Variants in HNF4G observed in about 807,000 individuals in gnomAD.
The protein encoded by HNF4G is hepatocyte nuclear factor 4 gamma.
In HNF4G, 21 loss-of-function variants were observed where a neutral mutation model predicts 50.9. The observed-to-expected ratio is 0.41, with a 90% CI of 0.29 to 0.59. HNF4G has a LOEUF of 0.59. Ranked by LOEUF, HNF4G falls within the 20% of genes least tolerant of loss-of-function variation. HNF4G has a pLI of 0.26. For synonymous variants in HNF4G, 198 were observed against 185.6 expected, an observed-to-expected ratio of 1.07 and a Z score of -0.54; for missense variants, 527 against 559.4, an observed-to-expected ratio of 0.94 and a Z score of 0.58.
At chr8:75,515,770 GTT>G (rs927879400) in intron 2 of HNF4G, among the ~76,000 whole-genome samples, 2 of 145,202 alleles carry the variant, frequency 1.4e-5, no homozygotes, top group African/African-American at 2.5e-5. Flanking sequence ...GGGCCACCAT[GTT>G]TTTTTTTTTT....
At chr8:75,480,440 A>G (rs544375492) in intron 1 of HNF4G, among the ~76,000 whole-genome samples, 39 of 152,348 alleles carry the variant, frequency 2.6e-4, no homozygotes, top group African/African-American at 7.5e-4. Flanking sequence ...AATAATTTTT[A>G]TCAGTGAAAC....
intron 1 of HNF4G, among the ~76,000 whole-genome samples, chr8:75,448,995 C>G (rs1475027899): frequency 6.6e-6 from 1 of 152,040 alleles, no homozygotes; most frequent in Non-Finnish European, 1.5e-5. Flanking sequence ...CATAATTTCA[C>G]AAAAACTGAG....
intron 2 of HNF4G, among the ~76,000 whole-genome samples, chr8:75,494,454 C>A (rs890355635): frequency 2.6e-5 from 4 of 151,450 alleles, no homozygotes; most frequent in Non-Finnish European, 5.9e-5. Context: ...TTAATAAGGT[C>A]TTTTATTACA....
chr8:75,428,438 A>G (rs764814959), intron 1 of HNF4G, among the ~76,000 whole-genome samples: 1 of 152,234 alleles, frequency 6.6e-6, no homozygotes, highest in Non-Finnish European at 1.5e-5. Flanking sequence ...TGGAGCTTCC[A>G]GCTACAGTAA....
At chr8:75,499,758 T>A (rs57989911) in intron 2 of HNF4G, among the ~76,000 whole-genome samples, 2,223 of 152,074 alleles carry the variant, frequency 0.015, 63 homozygotes, top group African/African-American at 0.051. Flanking sequence ...TAAATTGATT[T>A]TGACAAGGGC....
In HNF4G at chr8:75,539,920, A is replaced by G. The variant is rs1337897342; in HGVS notation, c.-43A>G. On this transcript the variant is annotated 5_prime_UTR_variant, in exon 1 of 10. Transcript: ENST00000396423. ...AAACACATCAAAACACTCATCACGC[A>G]CTCTGGGCTTGTGGTGCCACTTGTA... is the stretch of plus-strand genomic sequence containing the variant. 3 of 876,212 alleles carry G rather than the reference A, an allele frequency of 3.4e-6. No homozygotes were observed. Among genetic ancestry groups the G allele is most frequent in the Non-Finnish European group, 5.8e-6 (3 of 513,864 alleles). The allele number at this position is 876,212 out of a possible 1,614,324, so 54.3% of individuals were successfully genotyped here.
chr8:75,481,462 G>T (rs1812376894), intron 1 of HNF4G, among the ~76,000 whole-genome samples: 1 of 151,274 alleles, frequency 6.6e-6, no homozygotes, highest in African/African-American at 2.4e-5. Context: ...AAAAACTTTC[G>T]TTCCCTGGAA....
intron 1 of HNF4G, among the ~76,000 whole-genome samples, chr8:75,483,416 G>T (rs1390654864): frequency 6.6e-6 from 1 of 152,086 alleles, no homozygotes; most frequent in African/African-American, 2.4e-5. Flanking sequence ...GCAAGCAAAA[G>T]TGTTCTCTTG....
chr8:75,409,538 G>C (rs2130454493), intron 1 of HNF4G, among the ~76,000 whole-genome samples: 1 of 124,210 alleles, frequency 8.1e-6, no homozygotes, highest in East Asian at 2.5e-4. Context: ...ACCCAGGCTA[G>C]AGTATAGTGG....
chr8:75,516,972 G>C (rs1805903633), intron 2 of HNF4G, among the ~76,000 whole-genome samples: 1 of 152,110 alleles, frequency 6.6e-6, no homozygotes, highest in Non-Finnish European at 1.5e-5. Flanking sequence ...GGGTTTAATG[G>C]AATCACAGTT....
intron 1 of HNF4G, among the ~76,000 whole-genome samples, chr8:75,476,481 A>T (rs533680755): frequency 6.6e-6 from 1 of 152,304 alleles, no homozygotes; most frequent in South Asian, 2.1e-4. Context: ...ATTTGAGTGT[A>T]TGTCTTGAAA....
intron 6 of HNF4G, among the ~76,000 whole-genome samples, chr8:75,557,807 T>C (rs1268386766): frequency 6.6e-6 from 1 of 152,118 alleles, no homozygotes; most frequent in Non-Finnish European, 1.5e-5. Flanking sequence ...AACCAGAAAA[T>C]AACAATTTAA....
intron 2 of HNF4G, among the ~76,000 whole-genome samples, chr8:75,498,319 A>G (rs1407524381): frequency 6.6e-6 from 1 of 152,150 alleles, no homozygotes; most frequent in Non-Finnish European, 1.5e-5. Flanking sequence ...TGAAATGGAC[A>G]AATTTCTAGG....
intron 1 of HNF4G, among the ~76,000 whole-genome samples, chr8:75,422,771 G>C (rs570339519): frequency 7.9e-5 from 12 of 152,006 alleles, no homozygotes; most frequent in East Asian, 1.9e-4. Context: ...GTAGCTGGGA[G>C]TACAGGCGCC....
intron 1 of HNF4G, among the ~76,000 whole-genome samples, chr8:75,441,789 C>A (rs529774091): frequency 6.6e-6 from 1 of 152,284 alleles, no homozygotes; most frequent in South Asian, 2.1e-4. Flanking sequence ...TTGTAGCAAA[C>A]AATCAGCGAA....
Position 75,494,308 on chromosome 8 carries a change from A to T in HNF4G, c.-24+4100A>T, listed in dbSNP as rs925100613. ...TACTGCTCTCCCATACAGCACACACACACACACACACACACACACACACAC... is the reference window on the plus strand; with the variant it reads ...TACTGCTCTCCCATACAGCACACACTCACACACACACACACACACACACAC... On this transcript the variant is annotated intron_variant, in intron 2 of 10. Transcript: ENST00000354370. Among the ~76,000 whole-genome samples the T allele has an allele frequency of 7.9e-5, 6 of 76,318 alleles. No homozygotes were observed. In the South Asian group the frequency reaches 2.1e-3, roughly 27 times the overall value. The allele number at this position is 76,318 out of a possible 152,430, so 50.1% of individuals were successfully genotyped here. A position where few individuals can be genotyped will look rare whatever the true frequency, so the allele number is the denominator to read the frequency against.
At chr8:75,556,234 T>A (rs1807121360) in intron 6 of HNF4G, among the ~76,000 whole-genome samples, 165 bp downstream of exon 6, 1 of 152,150 alleles carries the variant, frequency 6.6e-6, no homozygotes, top group South Asian at 2.1e-4. Context: ...TTATTTTTCC[T>A]TGCCTTGACT....
At position 75,457,541 on chromosome 8, in the gene HNF4G, C is replaced by T. The variant is rs148908680; in HGVS notation, c.-143-32548C>T. ...ATAATTAAAACCTGAGTCTATGTGACTCTAATGACATTCCCCTAGATTTTA... is the reference window on the plus strand; with the variant it reads ...ATAATTAAAACCTGAGTCTATGTGATTCTAATGACATTCCCCTAGATTTTA... On this transcript the variant is annotated intron_variant, in intron 1 of 10. Transcript: ENST00000354370. Among the ~76,000 whole-genome samples the T allele has an allele frequency of 1.8e-3, 275 of 152,294 alleles. 2 individuals carry two copies. Among genetic ancestry groups the T allele is most frequent in the Admixed American group, 4.5e-3 (69 of 15,290 alleles).
chr8:75,559,712 G>A (rs893333579), intron 8 of HNF4G, among the ~76,000 whole-genome samples: 3 of 151,906 alleles, frequency 2.0e-5, no homozygotes, highest in African/African-American at 7.3e-5. Context: ...GGTTTTTCAT[G>A]CCCTGATTCA....
Sources: allele counts gnomAD v4.1 joint callset (sites outside exome capture counted in the v4.1 genomes callset), GRCh38; gene constraint gnomAD v4.1.1; transcripts MANE v1.5; gene names NCBI Gene and HGNC (gene_info 2026-07-23, HGNC 2026-07-21).